AP2A1: variants seen among roughly 807,000 people sequenced by gnomAD.
AP2A1 encodes the protein AP-2 complex subunit alpha-1.
AP2A1 carries 21 observed loss-of-function variants against 107.3 expected under a neutral mutation model. That is an observed-to-expected ratio of 0.20 (90% CI 0.14 to 0.28). AP2A1 has a LOEUF of 0.28. Ranked by LOEUF, AP2A1 falls within the 10% of genes least tolerant of loss-of-function variation. The probability of loss-of-function intolerance (pLI) is 1.00; values close to 1 mark genes in which losing one functional copy is unlikely to be tolerated. For missense variants in AP2A1, 873 were observed against 1,307.7 expected (o/e 0.67, Z 5.13); for synonymous variants, 602 against 564.8 (o/e 1.07, Z -0.93).
Position 49,806,404 on chromosome 19 carries a change from T to C in AP2A1, c.2790+151T>C, listed in dbSNP as rs2073385084. 3 of 1,437,148 alleles carry C rather than the reference T, an allele frequency of 2.1e-6. No homozygotes were observed. The South Asian group carries it at 4.5e-5, about 21-fold the overall frequency. 89.0% of individuals were successfully genotyped at this position (1,437,148 alleles called of 1,614,324 possible). A position where few individuals can be genotyped will look rare whatever the true frequency, so the allele number is the denominator to read the frequency against. ...TTGTCCACTTTTACTCCTCTTTATC[T>C]ATCAGTTTAATCTCCTGTCTCCAAC... is the stretch of plus-strand genomic sequence containing the variant. On this transcript the variant is annotated intron_variant, in intron 22 of 22. Coordinates refer to ENST00000354293, the MANE Select transcript of AP2A1 (RefSeq NM_130787.3).
chr19:49,794,300 C>T (rs971760662), intron 6 of AP2A1, among the ~76,000 whole-genome samples: 3 of 150,710 alleles, frequency 2.0e-5, no homozygotes, highest in African/African-American at 7.3e-5. Flanking sequence ...ACTGCAGCCT[C>T]TGGCTCCTAG....
intron 18 of AP2A1, 24 bp from the exon 19 acceptor site, chr19:49,805,429 G>A (rs1462286837): frequency 1.3e-6 from 2 of 1,520,880 alleles, no homozygotes; most frequent in Middle Eastern, 3.7e-4. Flanking sequence ...CCTCTGTCTG[G>A]CTTCCTTGAC....
Position 49,801,734 on chromosome 19 carries a change from G to T in AP2A1, c.1798G>T (p.Glu600Ter). 2 of 1,567,154 alleles carry T rather than the reference G, an allele frequency of 1.3e-6. No individual in the cohort carries two copies. The highest frequency in any genetic ancestry group is 8.6e-7 in the Non-Finnish European group (1 of 1,158,222). ...ASTDVLATVL[E>*]EMPPFPERES... ...CCGACCGCGCCAGGCCACGGTGCTG[G>T]AGGAGATGCCGCCCTTCCCCGAGCG... is the stretch of plus-strand genomic sequence containing the variant. The change falls in exon 14 of 23, where the codon GAG becomes TAG. Residue 600 changes from glutamate (E) to a stop codon, truncating the protein, a stop_gained. Transcript: ENST00000354293. LOFTEE classifies it high-confidence loss of function.
At position 49,795,666 on chromosome 19, in the gene AP2A1, A is replaced by C; in HGVS notation, c.742A>C (p.Thr248Pro). ...TGCCTCCACCGACCTCCAGGACTAC[A>C]CCTACTACTTCGTCCCAGCACCCTG... is the stretch of plus-strand genomic sequence containing the variant. ...SSASTDLQDY[T>P]YYFVPAPWLS... is the part of the protein sequence containing the mutation. Residue 248 changes from threonine (T) to proline (P), a missense_variant, in exon 7 of 23, where the codon ACC (threonine) becomes CCC (proline). Thr to Pro is a conservative substitution (Grantham distance 38). Coordinates refer to ENST00000354293, the MANE Select transcript of AP2A1 (RefSeq NM_130787.3). 4 of 1,556,010 alleles carry C rather than the reference A, an allele frequency of 2.6e-6. No individual in the cohort carries two copies. Among genetic ancestry groups the C allele is most frequent in the Non-Finnish European group, 3.5e-6 (4 of 1,155,810 alleles).
In AP2A1 at chr19:49,801,846, G is replaced by A. The variant is rs746939772; in HGVS notation, c.1910G>A (p.Ser637Asn). The A allele has an allele frequency of 6.6e-7, 1 of 1,512,302 alleles. No homozygotes were observed. The highest frequency in any genetic ancestry group is 1.3e-5 in the South Asian group (1 of 75,926). 93.7% of individuals were successfully genotyped at this position (1,512,302 alleles called of 1,614,324 possible). ...GACGATGGCCGGAGGGACCCCAGCA[G>A]CAACGACATCAACGGGGGCATGGAG... Reference protein sequence around the residue: ...ALDDGRRDPSSNDINGGMEPT... With the variant: ...ALDDGRRDPSNNDINGGMEPT... Residue 637 changes from serine to asparagine, a missense_variant, in exon 14 of 23, where the codon AGC (serine) becomes AAC (asparagine). Ser to Asn is a conservative substitution (Grantham distance 46). Around this residue, in one of 4 missense-constraint regions of AP2A1, gnomAD observed 416 missense variants for 473.4 expected, o/e 0.88. Transcript: ENST00000354293.
chr19:49,775,662 C>G (rs1246973475), intron 1 of AP2A1, among the ~76,000 whole-genome samples: 1 of 152,164 alleles, frequency 6.6e-6, no homozygotes, highest in Non-Finnish European at 1.5e-5. Flanking sequence ...CTCAGCCTCC[C>G]AAAGTGCTGG....
At position 49,807,024 on chromosome 19, in the gene AP2A1, C is replaced by G. The variant is rs780322518; in HGVS notation, c.*266C>G. 4.1e-5 allele frequency: 60 copies of G among 1,478,200 alleles called. No individual in the cohort carries two copies. Among genetic ancestry groups the G allele is most frequent in the Non-Finnish European group, 5.2e-5 (57 of 1,099,876 alleles). 91.6% of individuals were successfully genotyped at this position (1,478,200 alleles called of 1,614,324 possible). Reference sequence around the variant, plus strand: ...GCCAGGGAAGTGGATGTCTCCTCCCCTCCCACCCCACCCTGTTGTAGCCCC... The same window carrying G: ...GCCAGGGAAGTGGATGTCTCCTCCCGTCCCACCCCACCCTGTTGTAGCCCC... On this transcript the variant is annotated 3_prime_UTR_variant, in exon 23 of 23. Transcript: ENST00000354293.
At chr19:49,786,597 G>T (rs568749479) in intron 4 of AP2A1, among the ~76,000 whole-genome samples, 8 of 152,218 alleles carry the variant, frequency 5.3e-5, no homozygotes, top group South Asian at 2.1e-4. Flanking sequence ...GCTCTGGCAG[G>T]GGGGGTGGGA....
intron 18 of AP2A1, 69 bp from the exon 19 acceptor site, chr19:49,805,382 CTG>C: frequency 6.9e-7 from 1 of 1,455,838 alleles, no homozygotes; most frequent in Non-Finnish European, 9.1e-7. Context: ...GCCGGGAGCT[CTG>C]GGGTTCCTGA....
In AP2A1 at chr19:49,781,777, A is replaced by G; in HGVS notation, c.88A>G (p.Ile30Val). ...IRNCKSKEAE[I>V]KRINKELANI... ...CCCAGGTAAGAGCAAAGAGGCGGAA[A>G]TTAAGAGAATCAACAAGGAACTGGC... The change falls in exon 2 of 23, where the codon ATT (isoleucine) becomes GTT (valine). Residue 30 changes from isoleucine (I) to valine (V), a missense_variant. Transcript: ENST00000354293. 6.2e-7 allele frequency: 1 copy of G among 1,602,886 alleles called. No homozygotes were observed. The highest frequency in any genetic ancestry group is 8.5e-7 in the Non-Finnish European group (1 of 1,174,758).
intron 1 of AP2A1, among the ~76,000 whole-genome samples, chr19:49,779,587 T>G (rs1380374039): frequency 6.6e-6 from 1 of 151,890 alleles, no homozygotes; most frequent in African/African-American, 2.4e-5. Flanking sequence ...CAGCATGTGA[T>G]CAATACTTTA....
At chr19:49,805,420 C>T (rs1429637042) in intron 18 of AP2A1, 33 bp from the exon 19 acceptor site, 2 of 1,511,368 alleles carry the variant, frequency 1.3e-6, no homozygotes, top group Non-Finnish European at 1.8e-6. Context: ...GGCCCACCTC[C>T]TCTGTCTGGC....
At chr19:49,778,251 T>G (rs2084636962) in intron 1 of AP2A1, among the ~76,000 whole-genome samples, 1 of 152,190 alleles carries the variant, frequency 6.6e-6, no homozygotes, top group African/African-American at 2.4e-5. Flanking sequence ...CACCACTCAC[T>G]GAGGCTCTGT....
At position 49,805,754 on chromosome 19, in the gene AP2A1, C is replaced by T. The variant is rs1471496619; in HGVS notation, c.2562C>T (p.Phe854=). The change falls in exon 20 of 23, where the codon TTC becomes TTT. Residue 854 remains phenylalanine (F), a synonymous_variant. Coordinates refer to ENST00000354293, the MANE Select transcript of AP2A1 (RefSeq NM_130787.3). The part of the protein sequence containing the change: ...QPTEMAAQDF[F]QRWKQLSLPQ... ...CCGAGATGGCGGCCCAGGATTTCTTCCAGCGCTGGAAGCAGCTGAGCCTGT... is the reference window on the plus strand; with the variant it reads ...CCGAGATGGCGGCCCAGGATTTCTTTCAGCGCTGGAAGCAGCTGAGCCTGT... 3 of 1,592,224 alleles carry T rather than the reference C, an allele frequency of 1.9e-6. No individual in the cohort carries two copies. The highest frequency in any genetic ancestry group is 2.3e-5 in the East Asian group (1 of 43,302).
intron 16 of AP2A1, 32 bp from the exon 17 acceptor site, chr19:49,803,075 C>G (rs777456814): frequency 6.2e-7 from 1 of 1,613,560 alleles, no homozygotes; most frequent in Non-Finnish European, 8.5e-7. Flanking sequence ...CAGACAGGCA[C>G]CCCCGTCATC....
At position 49,805,524 on chromosome 19, in the gene AP2A1, A is replaced by G. The variant is rs1292726335; in HGVS notation, c.2416A>G (p.Ile806Val). ...GGAQVQQVLNIECLRDFLTPP... is the reference protein window; with the variant it reads ...GGAQVQQVLNVECLRDFLTPP... Reference sequence around the variant, plus strand: ...CGCGCAGGTGCAGCAGGTGCTCAATATCGAGTGCCTGCGGGACTTCCTGAC... The same window carrying G: ...CGCGCAGGTGCAGCAGGTGCTCAATGTCGAGTGCCTGCGGGACTTCCTGAC... Residue 806 changes from isoleucine (I) to valine (V), a missense_variant, in exon 19 of 23, where the codon ATC (isoleucine) becomes GTC (valine). Around this residue, in one of 4 missense-constraint regions of AP2A1, gnomAD observed 416 missense variants for 473.4 expected, o/e 0.88. Transcript: ENST00000354293. 9 of 1,572,662 alleles carry G rather than the reference A, an allele frequency of 5.7e-6. No individual in the cohort carries two copies. The highest frequency in any genetic ancestry group is 1.4e-5 in the African/African-American group (1 of 74,000).
rs563551901 is a variant in AP2A1 at position 49,803,836 on chromosome 19, T to G, written c.2344+460T>G. On this transcript the variant is annotated intron_variant, in intron 18 of 22. Transcript: ENST00000354293. ...CTTCCTCATAGGGTTATTGTGAAGA[T>G]CAGAGTGTCTGGAAAACCCTGGAAG... 53 of 171,314 alleles carry G rather than the reference T, an allele frequency of 3.1e-4. 1 individual carries two copies. In the South Asian group the frequency reaches 7.0e-3, roughly 23 times the overall value. The allele number at this position is 171,314 out of a possible 1,614,324, so 10.6% of individuals were successfully genotyped here.
rs1281903425 is a variant in AP2A1, at chr19:49,788,153, C to T, written c.474-3782C>T. On this transcript the variant is annotated intron_variant, in intron 4 of 22. Coordinates refer to ENST00000354293, the MANE Select transcript of AP2A1 (RefSeq NM_130787.3). This position sits in a 1 kb window ranked among gnomAD's most constrained non-coding sequence, Gnocchi z 4.5. ...ATAGAGACAGGGTCTCACTATATTACCCAGGCTAGTCTTGAACTCCTGAGC... is the reference window on the plus strand; with the variant it reads ...ATAGAGACAGGGTCTCACTATATTATCCAGGCTAGTCTTGAACTCCTGAGC... 6.6e-6 allele frequency among the ~76,000 whole-genome samples: 1 copy of T among 152,034 alleles called. No individual in the cohort carries two copies.
intron 5 of AP2A1, among the ~76,000 whole-genome samples, chr19:49,792,731 G>C (rs532297765): frequency 6.6e-6 from 1 of 151,966 alleles, no homozygotes; most frequent in African/African-American, 2.4e-5. Context: ...CTAGAGTCTC[G>C]CCCCTTCACT....
Sources: allele counts gnomAD v4.1 joint callset (sites outside exome capture counted in the v4.1 genomes callset), GRCh38; gene constraint gnomAD v4.1.1; regional missense constraint gnomAD v4.1.1; non-coding constraint Gnocchi (gnomAD v3.1); transcripts MANE v1.5; gene names NCBI Gene and HGNC (gene_info 2026-07-23, HGNC 2026-07-21).